Variants in KCNH8 observed in about 807,000 individuals in gnomAD.
KCNH8 encodes the protein voltage-gated delayed rectifier potassium channel KCNH8.
KCNH8 carries 70 observed loss-of-function variants against 103.6 expected under a neutral mutation model. That is an observed-to-expected ratio of 0.68 (90% CI 0.56 to 0.82). The LOEUF is 0.82. Ranked by LOEUF, KCNH8 falls within the 40% of genes least tolerant of loss-of-function variation. The probability of loss-of-function intolerance (pLI) is 0.00; values close to 1 mark genes in which losing one functional copy is unlikely to be tolerated. For synonymous variants in KCNH8, 498 were observed against 489.4 expected (o/e 1.02, Z -0.23); for missense variants, 1,217 against 1,329.9 (o/e 0.92, Z 1.32).
chr3:19,196,101 G>T (rs1220843158), intron 1 of KCNH8, among the ~76,000 whole-genome samples: 1 of 151,888 alleles, frequency 6.6e-6, no homozygotes, highest in Non-Finnish European at 1.5e-5. Context: ...GCCAAGTCTG[G>T]CTTATTGGGC....
chr3:19,165,087 T>C lies in KCNH8; in HGVS notation c.76+16292T>C, dbSNP rs186524872. Among the ~76,000 whole-genome samples, 315 of 152,254 alleles carry C rather than the reference T, an allele frequency of 2.1e-3. 3 individuals carry two copies. Among genetic ancestry groups the C allele is most frequent in the African/African-American group, 7.1e-3 (293 of 41,540 alleles). On this transcript the variant is annotated intron_variant, in intron 1 of 15. Transcript: ENST00000328405. Reference sequence around the variant, plus strand: ...TGGTCACTGTCTTGATTGTGGTGGTTTTGGGCTTATACATCTGTTAAAGTT... The same window carrying C: ...TGGTCACTGTCTTGATTGTGGTGGTCTTGGGCTTATACATCTGTTAAAGTT...
rs1388861742 is a variant in KCNH8, at chr3:19,170,781, C to T, written c.76+21986C>T. Reference sequence around the variant, plus strand: ...ATATACACACATATATATACACACACACACACACATATATATATATATATA... The same window carrying T: ...ATATACACACATATATATACACACATACACACACATATATATATATATATA... On this transcript the variant is annotated intron_variant, in intron 1 of 15. Transcript: ENST00000328405. 4.8e-3 allele frequency among the ~76,000 whole-genome samples: 502 copies of T among 103,588 alleles called. 21 individuals carry two copies. Among genetic ancestry groups the T allele is most frequent in the African/African-American group, 0.019 (477 of 25,028 alleles). The allele number at this position is 103,588 out of a possible 152,430, so 68.0% of individuals were successfully genotyped here. A position where few individuals can be genotyped will look rare whatever the true frequency, so the allele number is the denominator to read the frequency against.
intron 11 of KCNH8, among the ~76,000 whole-genome samples, chr3:19,472,729 A>G (rs1008986194): frequency 1.3e-5 from 2 of 152,242 alleles, no homozygotes; most frequent in Non-Finnish European, 2.9e-5. Flanking sequence ...GATATATAAT[A>G]TAAGTGAATT....
Position 19,148,643 on chromosome 3 carries a change from C to T in KCNH8, c.-77C>T. On this transcript the variant is annotated 5_prime_UTR_variant, in exon 1 of 16. Transcript: ENST00000328405. The stretch of plus-strand genomic sequence containing the variant: ...TCCCTGCCGTCATCAGGTTCCCCTT[C>T]TCCCTTCTTGGCACTTTCCTTTCGA... 1 of 1,423,406 alleles carries T rather than the reference C, an allele frequency of 7.0e-7. No individual in the cohort carries two copies. Among genetic ancestry groups the T allele is most frequent in the Non-Finnish European group, 9.9e-7 (1 of 1,005,342 alleles). The allele number at this position is 1,423,406 out of a possible 1,614,324, so 88.2% of individuals were successfully genotyped here.
intron 1 of KCNH8, among the ~76,000 whole-genome samples, chr3:19,178,799 C>T (rs1037360621): frequency 6.6e-6 from 1 of 152,066 alleles, no homozygotes; most frequent in Non-Finnish European, 1.5e-5. Context: ...ATAACTGGAG[C>T]TATTACAAAA....
intron 11 of KCNH8, among the ~76,000 whole-genome samples, chr3:19,487,219 C>T (rs1559351931): frequency 6.6e-6 from 1 of 152,304 alleles, no homozygotes; most frequent in East Asian, 1.9e-4. Context: ...CAAACAGCTT[C>T]TGGCTCTCAG....
At chr3:19,291,686 G>A (rs1013070696) in intron 3 of KCNH8, among the ~76,000 whole-genome samples, 3 of 152,148 alleles carry the variant, frequency 2.0e-5, no homozygotes, top group Non-Finnish European at 4.4e-5. Flanking sequence ...TTTTGGAATA[G>A]GTGTGGTGTG....
At chr3:19,161,780 T>C (rs772502715) in intron 1 of KCNH8, among the ~76,000 whole-genome samples, 2 of 152,218 alleles carry the variant, frequency 1.3e-5, no homozygotes, top group African/African-American at 2.4e-5. Context: ...GAAGCATAAA[T>C]GTTCTTGGAC....
At chr3:19,463,551 TAAA>T (rs999827850) in intron 11 of KCNH8, among the ~76,000 whole-genome samples, 3 of 151,476 alleles carry the variant, frequency 2.0e-5, no homozygotes, top group African/African-American at 7.3e-5. Flanking sequence ...AAAATGAAAA[TAAA>T]AAACAAAGGC....
At chr3:19,273,769 T>G (rs1200252913) in intron 2 of KCNH8, among the ~76,000 whole-genome samples, 4 of 152,170 alleles carry the variant, frequency 2.6e-5, no homozygotes, top group Admixed American at 1.3e-4. Flanking sequence ...AACCTGGGAC[T>G]GGCAGCAGCA....
At chr3:19,268,252 A>C (rs187784055) in intron 2 of KCNH8, among the ~76,000 whole-genome samples, 1 of 152,094 alleles carries the variant, frequency 6.6e-6, no homozygotes, top group Non-Finnish European at 1.5e-5. Flanking sequence ...AGAGAATAAC[A>C]GGGGGATCTG....
chr3:19,532,136 T>C (rs2069172701), intron 15 of KCNH8, among the ~76,000 whole-genome samples: 1 of 152,214 alleles, frequency 6.6e-6, no homozygotes, highest in Admixed American at 6.5e-5. Context: ...AATGCTGATG[T>C]GGTCGTTACG....
chr3:19,384,479 G>A (rs1055658212), intron 5 of KCNH8, among the ~76,000 whole-genome samples: 1 of 152,140 alleles, frequency 6.6e-6, no homozygotes, highest in African/African-American at 2.4e-5. Context: ...CAATATGTAT[G>A]AAAAACAATA....
At chr3:19,159,238 G>A (rs937626408) in intron 1 of KCNH8, among the ~76,000 whole-genome samples, 5 of 151,536 alleles carry the variant, frequency 3.3e-5, no homozygotes, top group Admixed American at 3.3e-4. Flanking sequence ...AAAGTTACTT[G>A]CTATGTTGCT....
intron 3 of KCNH8, among the ~76,000 whole-genome samples, chr3:19,331,468 T>G (rs1191465580): frequency 6.6e-6 from 1 of 151,896 alleles, no homozygotes; most frequent in Non-Finnish European, 1.5e-5. Context: ...ATTTTTTGTA[T>G]TTTTAGTAGA....
intron 3 of KCNH8, among the ~76,000 whole-genome samples, chr3:19,301,432 T>C (rs985075107): frequency 6.6e-5 from 10 of 150,614 alleles, no homozygotes; most frequent in African/African-American, 2.4e-4. Flanking sequence ...AATATAAAAT[T>C]AGAAATATAA....
intron 3 of KCNH8, among the ~76,000 whole-genome samples, chr3:19,320,976 G>A (rs2065342664): frequency 6.6e-6 from 1 of 151,818 alleles, no homozygotes; most frequent in Non-Finnish European, 1.5e-5. Flanking sequence ...CGTAAAAAAG[G>A]TATTCATAGT....
chr3:19,196,521 G>C (rs2063603939), intron 1 of KCNH8, among the ~76,000 whole-genome samples: 1 of 151,672 alleles, frequency 6.6e-6, no homozygotes. Flanking sequence ...ATCCTTCCTG[G>C]TTATGTTTAT....
At chr3:19,387,141 T>C in intron 5 of KCNH8, among the ~76,000 whole-genome samples, 1 of 152,160 alleles carries the variant, frequency 6.6e-6, no homozygotes, top group East Asian at 1.9e-4. Context: ...AGCTTAGCTC[T>C]TGTACTTCCA....
Sources: allele counts gnomAD v4.1 joint callset (sites outside exome capture counted in the v4.1 genomes callset), GRCh38; gene constraint gnomAD v4.1.1; transcripts MANE v1.5; gene names NCBI Gene and HGNC (gene_info 2026-07-23, HGNC 2026-07-21).